Variants in LDB2 observed in about 807,000 individuals in gnomAD.
The protein encoded by LDB2 is LIM domain-binding protein 2.
LDB2 carries 12 observed loss-of-function variants against 44.3 expected under a neutral mutation model. The ratio of observed to expected loss-of-function variants is 0.27; its 90% CI spans 0.17 to 0.44. LDB2 has a LOEUF of 0.44. Ranked by LOEUF, LDB2 falls within the 20% of genes least tolerant of loss-of-function variation. The pLI is 1.00. For synonymous variants in LDB2, 164 were observed against 174.8 expected, an observed-to-expected ratio of 0.94 and a Z score of 0.49; for missense variants, 344 against 473.5, an observed-to-expected ratio of 0.73 and a Z score of 2.54.
intron 2 of LDB2, among the ~76,000 whole-genome samples, chr4:16,613,092 C>T (rs1726146089): frequency 6.6e-6 from 1 of 152,138 alleles, no homozygotes; most frequent in Non-Finnish European, 1.5e-5. Flanking sequence ...ATCACATAAA[C>T]AGAACCAAAG....
At chr4:16,857,609 G>C (rs1363882398) in intron 1 of LDB2, among the ~76,000 whole-genome samples, 1 of 152,144 alleles carries the variant, frequency 6.6e-6, no homozygotes, top group East Asian at 1.9e-4. Context: ...CGAGCACAAA[G>C]AGGTCTTTGC....
chr4:16,652,319 A>G (rs1359177991), intron 2 of LDB2, among the ~76,000 whole-genome samples: 1 of 152,210 alleles, frequency 6.6e-6, no homozygotes, highest in Non-Finnish European at 1.5e-5. Flanking sequence ...AGCACATGAA[A>G]CTAAAAAATC....
At chr4:16,592,465 C>CATAT (rs71589671) in intron 3 of LDB2, among the ~76,000 whole-genome samples, 37 of 116,586 alleles carry the variant, frequency 3.2e-4, no homozygotes, top group African/African-American at 1.3e-3. Flanking sequence ...ATTATACATA[C>CATAT]ATATATATAT....
intron 2 of LDB2, among the ~76,000 whole-genome samples, chr4:16,730,691 C>G (rs746783761): frequency 7.9e-5 from 12 of 152,108 alleles, no homozygotes; most frequent in Non-Finnish European, 1.6e-4. Context: ...GGAATCAGGT[C>G]ATAAGCTCAC....
intron 2 of LDB2, among the ~76,000 whole-genome samples, chr4:16,687,896 G>A (rs900446516): frequency 2.0e-5 from 3 of 152,194 alleles, no homozygotes; most frequent in Non-Finnish European, 4.4e-5. Context: ...GGCAAAACTG[G>A]TAGAGAAGGA....
intron 2 of LDB2, among the ~76,000 whole-genome samples, chr4:16,620,088 T>C (rs1728459354): frequency 6.6e-6 from 1 of 152,200 alleles, no homozygotes; most frequent in Admixed American, 6.5e-5. Context: ...AATTTTCTGC[T>C]ACATGTCTCT....
At chr4:16,601,402 C>A (rs1470319204) in intron 2 of LDB2, among the ~76,000 whole-genome samples, 3 of 152,046 alleles carry the variant, frequency 2.0e-5, no homozygotes, top group African/African-American at 7.2e-5. Context: ...GTTTCAAAGA[C>A]AATTCACTTC....
intron 5 of LDB2, among the ~76,000 whole-genome samples, chr4:16,542,692 C>G (rs912283180): frequency 1.3e-5 from 2 of 151,822 alleles, no homozygotes; most frequent in African/African-American, 4.9e-5. Flanking sequence ...ATTGACCTAC[C>G]CTTATTTCCT....
chr4:16,799,663 C>G (rs1414130217), intron 1 of LDB2, among the ~76,000 whole-genome samples: 1 of 152,172 alleles, frequency 6.6e-6, no homozygotes, highest in Non-Finnish European at 1.5e-5. Flanking sequence ...ATGGGAAATG[C>G]AGTCTCAGGG....
chr4:16,637,152 A>C (rs1008851581), intron 2 of LDB2, among the ~76,000 whole-genome samples: 1 of 152,176 alleles, frequency 6.6e-6, no homozygotes, highest in Non-Finnish European at 1.5e-5. Flanking sequence ...CAACCCAGGG[A>C]AAATATTCAC....
chr4:16,642,616 C>T (rs1735509387), intron 2 of LDB2, among the ~76,000 whole-genome samples: 1 of 152,178 alleles, frequency 6.6e-6, no homozygotes, highest in South Asian at 2.1e-4. Flanking sequence ...GACCCAGCTT[C>T]AGGACCCTGT....
intron 1 of LDB2, among the ~76,000 whole-genome samples, chr4:16,779,780 A>G (rs554383421): frequency 3.0e-4 from 46 of 152,324 alleles, no homozygotes; most frequent in African/African-American, 1.1e-3. Context: ...CAAGTGTTCC[A>G]GGCATCAGCT....
At chr4:16,602,307 A>G (rs759183679) in intron 2 of LDB2, among the ~76,000 whole-genome samples, 28 of 152,180 alleles carry the variant, frequency 1.8e-4, no homozygotes, top group Non-Finnish European at 3.8e-4. Flanking sequence ...GTGAGTCCCA[A>G]TTGAACAAAG....
At chr4:16,816,411 T>TTC (rs1440991574) in intron 1 of LDB2, among the ~76,000 whole-genome samples, 45 of 137,730 alleles carry the variant, frequency 3.3e-4, no homozygotes, top group Non-Finnish European at 5.4e-4. Context: ...TTCTTTCTTT[T>TTC]TTTTTTTTTT....
chr4:16,821,781 A>T (rs1038077532), intron 1 of LDB2, among the ~76,000 whole-genome samples: 3 of 144,606 alleles, frequency 2.1e-5, no homozygotes, highest in Admixed American at 7.0e-5. Flanking sequence ...TCAGGAATTT[A>T]TAAGGTAAAG....
chr4:16,734,785 T>C (rs1230535633), intron 2 of LDB2, among the ~76,000 whole-genome samples: 1 of 149,974 alleles, frequency 6.7e-6, no homozygotes, highest in Non-Finnish European at 1.5e-5. Flanking sequence ...CTCGGCTCAC[T>C]GCAACCTCCG....
chr4:16,720,791 T>G (rs571903605), intron 2 of LDB2, among the ~76,000 whole-genome samples: 9 of 152,318 alleles, frequency 5.9e-5, no homozygotes, highest in Non-Finnish European at 4.4e-5. Context: ...ACTAAGGAAT[T>G]ACCATGTTGC....
chr4:16,728,483 A>AT (rs869163065), intron 2 of LDB2, among the ~76,000 whole-genome samples: 3 of 106,572 alleles, frequency 2.8e-5, no homozygotes, highest in African/African-American at 1.1e-4. Flanking sequence ...TTAACTCCAA[A>AT]TTTTTTTAAG....
At chr4:16,750,593 A>G (rs973272500) in intron 2 of LDB2, among the ~76,000 whole-genome samples, 1 of 152,190 alleles carries the variant, frequency 6.6e-6, no homozygotes, top group African/African-American at 2.4e-5. Context: ...ATCATGGGTC[A>G]TGCTCACACC....
Sources: gnomAD v4.1 joint callset for allele counts (sites outside exome capture counted in the v4.1 genomes callset) on GRCh38, gnomAD v4.1.1 for gene constraint, MANE v1.5 for transcripts, NCBI Gene and HGNC (gene_info 2026-07-23, HGNC 2026-07-21) for gene names.